The following PAK5 variants were observed in gnomAD, a reference collection of about 807,000 sequenced individuals.
The protein encoded by PAK5 is serine/threonine-protein kinase PAK 5.
In PAK5, 16 loss-of-function variants were observed where a neutral mutation model predicts 65.9. The ratio of observed to expected loss-of-function variants is 0.24; its 90% CI spans 0.16 to 0.37. The LOEUF is 0.37. PAK5 is among the 10% of genes least tolerant of loss of function. PAK5 has a pLI of 1.00. For missense variants in PAK5, 785 were observed against 903.9 expected, an observed-to-expected ratio of 0.87 and a Z score of 1.69; for synonymous variants, 371 against 354.9, an observed-to-expected ratio of 1.05 and a Z score of -0.51.
rs149702916 is a variant in PAK5, at chr20:9,789,980, A to G, written c.-162+48782T>C. The stretch of plus-strand genomic sequence containing the variant: ...GCCTTTTTACGCCCAAGCTGCAAGT[A>G]AATGAATGAGCAAATGCTTGAAGAC... On this transcript the variant is annotated intron_variant, in intron 1 of 9. Transcript: ENST00000353224. Among the ~76,000 whole-genome samples, 82 of 152,274 alleles carry G rather than the reference A, an allele frequency of 5.4e-4. 1 individual carries two copies. The East Asian group carries it at 0.015, about 28-fold the overall frequency.
chr20:9,548,995 A>G (rs2045386459), intron 7 of PAK5, among the ~76,000 whole-genome samples: 1 of 152,176 alleles, frequency 6.6e-6, no homozygotes, highest in Admixed American at 6.5e-5. Flanking sequence ...CTTATCAAGA[A>G]TCAACCCCAG....
At chr20:9,668,239 G>A (rs1262641386) in intron 2 of PAK5, among the ~76,000 whole-genome samples, 1 of 152,094 alleles carries the variant, frequency 6.6e-6, no homozygotes, top group Non-Finnish European at 1.5e-5. Flanking sequence ...TCCAACCAAA[G>A]TGGTAATAGA....
chr20:9,625,018 T>C (rs1184287997), intron 3 of PAK5, among the ~76,000 whole-genome samples: 1 of 152,166 alleles, frequency 6.6e-6, no homozygotes, highest in Non-Finnish European at 1.5e-5. Flanking sequence ...CATCTACAAG[T>C]AGCCATTCAT....
intron 2 of PAK5, among the ~76,000 whole-genome samples, chr20:9,690,540 G>T (rs546283254): frequency 6.6e-6 from 1 of 151,890 alleles, no homozygotes; most frequent in Non-Finnish European, 1.5e-5. Flanking sequence ...AGTGAGTACC[G>T]TGGGCAACTG....
chr20:9,664,781 T>C (rs2047390987), intron 2 of PAK5, among the ~76,000 whole-genome samples: 1 of 152,092 alleles, frequency 6.6e-6, no homozygotes, highest in South Asian at 2.1e-4. Flanking sequence ...TGTAGCCTCA[T>C]AAATACAAGG....
At chr20:9,779,923 T>C (rs2048924390) in intron 1 of PAK5, among the ~76,000 whole-genome samples, 1 of 152,204 alleles carries the variant, frequency 6.6e-6, no homozygotes, top group South Asian at 2.1e-4. Flanking sequence ...TGTATAATAA[T>C]GATTTGTACC....
intron 2 of PAK5, among the ~76,000 whole-genome samples, chr20:9,670,536 T>G (rs930445389): frequency 3.3e-5 from 5 of 152,356 alleles, no homozygotes; most frequent in African/African-American, 1.2e-4. Context: ...TGATGAGCAT[T>G]TTTTCATGTG....
intron 1 of PAK5, among the ~76,000 whole-genome samples, chr20:9,793,973 T>C (rs986679391): frequency 6.6e-6 from 1 of 152,092 alleles, no homozygotes; most frequent in East Asian, 1.9e-4. Flanking sequence ...GTGGCACATA[T>C]ACACCATGGA....
chr20:9,708,147 G>T (rs1359193054), intron 2 of PAK5, among the ~76,000 whole-genome samples: 2 of 152,164 alleles, frequency 1.3e-5, no homozygotes, highest in Non-Finnish European at 2.9e-5. Flanking sequence ...AATAGTGCCT[G>T]CTGACTTTTT....
chr20:9,599,398 C>A (rs1167724809), intron 3 of PAK5, among the ~76,000 whole-genome samples: 6 of 152,180 alleles, frequency 3.9e-5, no homozygotes, highest in African/African-American at 1.4e-4. Flanking sequence ...AGAGTTAAGT[C>A]CACGTTTAAC....
At chr20:9,541,566 C>G (rs1288428315) in intron 9 of PAK5, among the ~76,000 whole-genome samples, 1 of 152,184 alleles carries the variant, frequency 6.6e-6, no homozygotes, top group Non-Finnish European at 1.5e-5. Flanking sequence ...TAAGGCCTTT[C>G]CACTTGATGC....
At chr20:9,792,102 T>C (rs531543301) in intron 1 of PAK5, among the ~76,000 whole-genome samples, 1 of 152,176 alleles carries the variant, frequency 6.6e-6, no homozygotes, top group South Asian at 2.1e-4. Flanking sequence ...ACTATTTTGA[T>C]CCCCCCTGCA....
chr20:9,812,860 G>A (rs2049313990), intron 1 of PAK5, among the ~76,000 whole-genome samples: 2 of 152,014 alleles, frequency 1.3e-5, no homozygotes, highest in South Asian at 2.1e-4. Context: ...TGATGTGACG[G>A]ATATCCCAGT....
intron 3 of PAK5, among the ~76,000 whole-genome samples, chr20:9,634,133 C>T (rs1309796643): frequency 6.6e-6 from 1 of 152,092 alleles, no homozygotes; most frequent in African/African-American, 2.4e-5. Context: ...TTAGTTGGGA[C>T]CCTAGGAGCA....
chr20:9,750,783 A>G (rs2048567274), intron 1 of PAK5, among the ~76,000 whole-genome samples: 2 of 152,104 alleles, frequency 1.3e-5, no homozygotes, highest in African/African-American at 4.8e-5. Context: ...GATCGCTTAC[A>G]CTGTAACCAC....
intron 7 of PAK5, among the ~76,000 whole-genome samples, chr20:9,548,623 T>C (rs2045381146): frequency 6.6e-6 from 1 of 152,164 alleles, no homozygotes; most frequent in South Asian, 2.1e-4. Flanking sequence ...CCTTAAGAGT[T>C]GGGCAAACAA....
At chr20:9,619,756 T>A (rs939978229) in intron 3 of PAK5, among the ~76,000 whole-genome samples, 3 of 152,354 alleles carry the variant, frequency 2.0e-5, no homozygotes, top group Admixed American at 1.3e-4. Flanking sequence ...TCCCCTGCTG[T>A]GGGACAGTCA....
chr20:9,568,843 AAATAAT>A (rs1165252423), intron 4 of PAK5, among the ~76,000 whole-genome samples: 1 of 152,060 alleles, frequency 6.6e-6, no homozygotes, highest in East Asian at 1.9e-4. Context: ...GAAATAATAA[AAATAAT>A]AATAATAATA....
chr20:9,758,235 C>T (rs1274153624), intron 1 of PAK5, among the ~76,000 whole-genome samples: 2 of 152,128 alleles, frequency 1.3e-5, no homozygotes, highest in Admixed American at 6.5e-5. Flanking sequence ...ATGTGAGGTA[C>T]GGATGTCCTT....
Sources: gnomAD v4.1 joint callset for allele counts (sites outside exome capture counted in the v4.1 genomes callset) on GRCh38, gnomAD v4.1.1 for gene constraint, MANE v1.5 for transcripts, NCBI Gene and HGNC (gene_info 2026-07-23, HGNC 2026-07-21) for gene names.